The following DLG2 variants were observed in gnomAD, a reference collection of about 807,000 sequenced individuals.
The protein encoded by DLG2 is discs large MAGUK scaffold protein 2, also known as disks large homolog 2.
A neutral mutation model predicts 132.5 loss-of-function variants in DLG2; 45 were observed. The observed-to-expected ratio is 0.34, with a 90% confidence interval of 0.27 to 0.44. The LOEUF (loss-of-function observed/expected upper bound fraction) is 0.44. Ranked by LOEUF, DLG2 falls within the 20% of genes least tolerant of loss-of-function variation. DLG2 has a pLI of 1.00. For missense variants in DLG2, 1,045 were observed against 1,196.9 expected (o/e 0.87, Z 1.87); for synonymous variants, 424 against 419.6 (o/e 1.01, Z -0.13).
At chr11:84,677,231 C>T (rs935468457) in intron 6 of DLG2, among the ~76,000 whole-genome samples, 5 of 151,968 alleles carry the variant, frequency 3.3e-5, no homozygotes, top group Non-Finnish European at 5.9e-5. Flanking sequence ...CCTTTTGATT[C>T]GTATCAGTCA....
chr11:85,491,082 A>C (rs950787560), intron 3 of DLG2, among the ~76,000 whole-genome samples: 11 of 152,102 alleles, frequency 7.2e-5, no homozygotes, highest in African/African-American at 2.7e-4. Flanking sequence ...TTATGATCAA[A>C]TGGGTTTTAT....
intron 14 of DLG2, among the ~76,000 whole-genome samples, chr11:83,936,433 G>T (rs750438444): frequency 6.6e-6 from 1 of 152,102 alleles, no homozygotes; most frequent in Non-Finnish European, 1.5e-5. Context: ...TTGCTTTCCC[G>T]TATGGTTCAC....
At chr11:85,288,243 G>C (rs2078680585) in intron 3 of DLG2, among the ~76,000 whole-genome samples, 1 of 151,972 alleles carries the variant, frequency 6.6e-6, no homozygotes, top group Admixed American at 6.6e-5. Flanking sequence ...ACAGAGAAAA[G>C]TTAGCAATCC....
intron 9 of DLG2, among the ~76,000 whole-genome samples, chr11:84,112,321 CCTTTTTTTTT>C (rs1267435927): frequency 2.2e-5 from 2 of 91,866 alleles, no homozygotes; most frequent in Non-Finnish European, 4.5e-5. Flanking sequence ...TTTTACTTTT[CCTTTTTTTTT>C]TTTTTTTTTT....
intron 3 of DLG2, among the ~76,000 whole-genome samples, chr11:85,363,412 A>G (rs1482696678): frequency 1.3e-5 from 2 of 152,240 alleles, no homozygotes; most frequent in East Asian, 3.8e-4. Context: ...AAAAACAAAC[A>G]AGTCTCTAAA....
At chr11:85,509,661 T>C (rs1024095893) in intron 3 of DLG2, among the ~76,000 whole-genome samples, 1 of 152,094 alleles carries the variant, frequency 6.6e-6, no homozygotes, top group Admixed American at 6.6e-5. Flanking sequence ...TTTTCATTCA[T>C]TTTATTCAAC....
chr11:85,174,150 A>G (rs774095591), intron 4 of DLG2, among the ~76,000 whole-genome samples: 18 of 152,130 alleles, frequency 1.2e-4, no homozygotes, highest in Non-Finnish European at 2.6e-4. Flanking sequence ...CTCTCCAACC[A>G]AAAACAACAG....
At chr11:83,950,531 T>G (rs2085155293) in intron 14 of DLG2, among the ~76,000 whole-genome samples, 1 of 152,182 alleles carries the variant, frequency 6.6e-6, no homozygotes, top group African/African-American at 2.4e-5. Context: ...GAGACGAGGT[T>G]TCAGTGAGCT....
At chr11:83,789,550 CTT>C (rs200050358) in intron 17 of DLG2, among the ~76,000 whole-genome samples, 3 of 144,046 alleles carry the variant, frequency 2.1e-5, no homozygotes, top group South Asian at 2.2e-4. Flanking sequence ...AAACTGATGA[CTT>C]TTTTTTTTTT....
chr11:84,566,323 A>C (rs1171440411), intron 6 of DLG2, among the ~76,000 whole-genome samples: 1 of 152,168 alleles, frequency 6.6e-6, no homozygotes, highest in African/African-American at 2.4e-5. Flanking sequence ...GTAGAGTCAG[A>C]AGCTCTTTCC....
intron 21 of DLG2, among the ~76,000 whole-genome samples, chr11:83,512,702 GC>G (rs1485889160): frequency 1.3e-5 from 2 of 151,628 alleles, no homozygotes; most frequent in Non-Finnish European, 2.9e-5. Context: ...CCCACAACAG[GC>G]CCTGGTGTGT....
intron 18 of DLG2, among the ~76,000 whole-genome samples, chr11:83,670,245 C>T (rs903385537): frequency 5.3e-5 from 8 of 152,096 alleles, no homozygotes; most frequent in Non-Finnish European, 7.4e-5. Context: ...GCTTCTTCTA[C>T]GTGTTACAAA....
intron 6 of DLG2, among the ~76,000 whole-genome samples, chr11:84,554,489 G>A (rs1025961585): frequency 6.6e-6 from 1 of 152,160 alleles, no homozygotes; most frequent in African/African-American, 2.4e-5. Flanking sequence ...GCTCATGCCT[G>A]TAATCCCAGC....
At chr11:84,466,116 AC>A (rs1201057497) in intron 7 of DLG2, among the ~76,000 whole-genome samples, 1 of 151,276 alleles carries the variant, frequency 6.6e-6, no homozygotes, top group Admixed American at 6.6e-5. Flanking sequence ...TATTGAGACA[AC>A]TGTATAGCTA....
intron 6 of DLG2, among the ~76,000 whole-genome samples, chr11:84,734,586 G>A (rs1596852052): frequency 1.3e-5 from 2 of 152,158 alleles, no homozygotes; most frequent in East Asian, 3.9e-4. Flanking sequence ...TCTGCAGACA[G>A]GGACAATTTG....
chr11:84,909,834 G>T (rs2091898986), intron 6 of DLG2, among the ~76,000 whole-genome samples: 1 of 152,114 alleles, frequency 6.6e-6, no homozygotes, highest in Non-Finnish European at 1.5e-5. Context: ...TTCTGCCCAG[G>T]ATGTTCCCAT....
chr11:84,986,466 A>G (rs1376819880), intron 6 of DLG2, among the ~76,000 whole-genome samples: 2 of 152,154 alleles, frequency 1.3e-5, no homozygotes, highest in African/African-American at 4.8e-5. Context: ...GAAAGGACAT[A>G]ACCAAAAAAG....
chr11:83,864,567 G>T (rs187320140), intron 16 of DLG2, among the ~76,000 whole-genome samples: 3 of 152,226 alleles, frequency 2.0e-5, no homozygotes, highest in Admixed American at 6.5e-5. Context: ...GTCAATAAAG[G>T]TTGCTGACTG....
At chr11:84,980,663 T>A (rs2055612347) in intron 6 of DLG2, among the ~76,000 whole-genome samples, 1 of 152,158 alleles carries the variant, frequency 6.6e-6, no homozygotes, top group Non-Finnish European at 1.5e-5. Context: ...ATACCTAAGG[T>A]TAGTAGCTTC....
Sources: allele counts gnomAD v4.1 joint callset (sites outside exome capture counted in the v4.1 genomes callset), GRCh38; gene constraint gnomAD v4.1.1; transcripts MANE v1.5; gene names NCBI Gene and HGNC (gene_info 2026-07-23, HGNC 2026-07-21).